Variants in RBFOX1 observed in about 807,000 individuals in gnomAD.
The protein encoded by RBFOX1 is RNA binding fox-1 homolog 1.
A neutral mutation model predicts 57.7 loss-of-function variants in RBFOX1; 8 were observed. The ratio of observed to expected loss-of-function variants is 0.14; its 90% CI spans 0.08 to 0.25. The LOEUF (loss-of-function observed/expected upper bound fraction) is 0.25, where lower values mean the gene tolerates loss of function less well. RBFOX1 is among the 10% of genes least tolerant of loss of function. RBFOX1 has a pLI of 1.00. For synonymous variants in RBFOX1, 326 were observed against 222.4 expected (o/e 1.47, Z -4.15); for missense variants, 611 against 548.5 (o/e 1.11, Z -1.14).
intron 4 of RBFOX1, among the ~76,000 whole-genome samples, chr16:7,314,020 C>G (rs1568165043): frequency 7.2e-6 from 1 of 139,038 alleles, no homozygotes; most frequent in East Asian, 2.2e-4. Context: ...GACCTGTCAA[C>G]TTTGATGCTC....
At chr16:6,030,107 T>C (rs2095267382) in intron 1 of RBFOX1, among the ~76,000 whole-genome samples, 1 of 152,184 alleles carries the variant, frequency 6.6e-6, no homozygotes, top group Non-Finnish European at 1.5e-5. Flanking sequence ...TTGTATTTTT[T>C]TGTAGAGTTG....
downstream of RBFOX1, among the ~76,000 whole-genome samples, chr16:5,604,390 A>G (rs1037083056): frequency 1.3e-5 from 2 of 152,078 alleles, no homozygotes; most frequent in African/African-American, 4.8e-5. Context: ...TCCCTTTGCA[A>G]TCTCACTGGT....
intron 3 of RBFOX1, among the ~76,000 whole-genome samples, chr16:6,940,260 G>T (rs983086012): frequency 6.6e-6 from 1 of 152,134 alleles, no homozygotes; most frequent in African/African-American, 2.4e-5. Context: ...AGGGGCTTGG[G>T]CATGAGTCCT....
At chr16:7,020,467 C>T (rs963496031) in intron 3 of RBFOX1, among the ~76,000 whole-genome samples, 6 of 152,130 alleles carry the variant, frequency 3.9e-5, no homozygotes, top group Admixed American at 6.5e-5. Flanking sequence ...CATCCACCTG[C>T]CTCAACCTCC....
At chr16:6,401,990 C>G (rs757154870) in intron 2 of RBFOX1, among the ~76,000 whole-genome samples, 19 of 151,596 alleles carry the variant, frequency 1.3e-4, no homozygotes, top group Non-Finnish European at 1.8e-4. Flanking sequence ...GCCAGACCAG[C>G]TAACTGTCGA....
chr16:5,577,256 C>T (rs901463190), intron 2 of RBFOX1, among the ~76,000 whole-genome samples: 4 of 152,210 alleles, frequency 2.6e-5, no homozygotes, highest in African/African-American at 4.8e-5. Context: ...GACTCCGGGT[C>T]TGTTGAGGCT....
Position 6,951,269 on chromosome 16 carries a change from C to T in RBFOX1, c.-15-100788C>T, listed in dbSNP as rs1482573354. Among the ~76,000 whole-genome samples the T allele has an allele frequency of 2.6e-5, 4 of 152,064 alleles. No individual in the cohort carries two copies. In the East Asian group the frequency reaches 7.7e-4, roughly 29 times the overall value. On this transcript the variant is annotated intron_variant, in intron 3 of 15. Transcript: ENST00000550418. Reference sequence around the variant, plus strand: ...GAGTGAAAGAAACGTAATAGAGTCACCCATCTTCTGAGGGGTCAGTTTCAG... The same window carrying T: ...GAGTGAAAGAAACGTAATAGAGTCATCCATCTTCTGAGGGGTCAGTTTCAG...
chr16:5,537,088 GT>G (rs769881146), intron 2 of RBFOX1, among the ~76,000 whole-genome samples: 40 of 152,232 alleles, frequency 2.6e-4, no homozygotes, highest in Admixed American at 2.0e-3. Context: ...CATGTTTCTT[GT>G]ACTTCTGCTA....
intron 3 of RBFOX1, among the ~76,000 whole-genome samples, chr16:5,670,321 A>G (rs2049979810): frequency 1.3e-5 from 2 of 152,190 alleles, no homozygotes; most frequent in African/African-American, 2.4e-5. Flanking sequence ...TCTTATATGC[A>G]TTTCACCACA....
intron 3 of RBFOX1, among the ~76,000 whole-genome samples, chr16:6,666,507 T>C (rs1482508211): frequency 7.3e-6 from 1 of 136,448 alleles, no homozygotes; most frequent in African/African-American, 2.8e-5. Context: ...ACCACTGCAC[T>C]CCAGCCTGGG....
intron 3 of RBFOX1, among the ~76,000 whole-genome samples, chr16:6,943,583 C>T (rs1292715052): frequency 1.3e-5 from 2 of 152,056 alleles, no homozygotes; most frequent in Admixed American, 1.3e-4. Flanking sequence ...TGGCGGGTGC[C>T]TGTAGTCCCA....
intron 1 of RBFOX1, among the ~76,000 whole-genome samples, chr16:5,393,334 G>A (rs2066465114): frequency 6.6e-6 from 1 of 152,196 alleles, no homozygotes; most frequent in Non-Finnish European, 1.5e-5. Flanking sequence ...CGAATACTTG[G>A]CAGCTTGGGT....
chr16:7,144,704 G>A (rs995163108), intron 4 of RBFOX1, among the ~76,000 whole-genome samples: 5 of 151,788 alleles, frequency 3.3e-5, no homozygotes, highest in South Asian at 2.1e-4. Context: ...GCTTCCCTCC[G>A]CTTTCCCCAG....
At chr16:5,777,831 T>C (rs1186883934) in intron 3 of RBFOX1, among the ~76,000 whole-genome samples, 1 of 152,210 alleles carries the variant, frequency 6.6e-6, no homozygotes, top group East Asian at 1.9e-4. Flanking sequence ...TTAAAAAATA[T>C]GCCCTTGGTG....
chr16:7,461,665 C>T (rs1057393112), intron 4 of RBFOX1, among the ~76,000 whole-genome samples: 2 of 152,142 alleles, frequency 1.3e-5, no homozygotes, highest in Non-Finnish European at 2.9e-5. Flanking sequence ...ATAACAACCC[C>T]ATTCACTGGG....
intron 3 of RBFOX1, among the ~76,000 whole-genome samples, chr16:5,650,700 T>C (rs2049207217): frequency 6.6e-6 from 1 of 151,166 alleles, no homozygotes; most frequent in African/African-American, 2.5e-5. Context: ...CCTACCTTCC[T>C]CTCTCTGTCT....
chr16:7,304,202 CAGAGAGAGAGACAGAGAGAG>C (rs1000502921), intron 4 of RBFOX1: 3 of 936,674 alleles, frequency 3.2e-6, no homozygotes, highest in Middle Eastern at 5.5e-4. Context: ...GGGAGAGAGA[CAGAGAGAGAGACAGAGAGAG>C]AGAGAGAGAG....
At chr16:6,393,189 T>C (rs985806857) in intron 2 of RBFOX1, among the ~76,000 whole-genome samples, 1 of 152,232 alleles carries the variant, frequency 6.6e-6, no homozygotes, top group Non-Finnish European at 1.5e-5. Context: ...CCCCTCCATC[T>C]GTAGATGCTG....
intron 2 of RBFOX1, among the ~76,000 whole-genome samples, chr16:5,516,895 G>A (rs1293851028): frequency 6.6e-6 from 1 of 152,086 alleles, no homozygotes; most frequent in African/African-American, 2.4e-5. Context: ...GCAGAACTGT[G>A]AGTCAATTAA....
Sources: gnomAD v4.1 joint callset for allele counts (sites outside exome capture counted in the v4.1 genomes callset) on GRCh38, gnomAD v4.1.1 for gene constraint, MANE v1.5 for transcripts, NCBI Gene and HGNC (gene_info 2026-07-23, HGNC 2026-07-21) for gene names.